EPHA6: variants seen among roughly 807,000 people sequenced by gnomAD.
The protein encoded by EPHA6 is ephrin type-A receptor 6.
In EPHA6, 50 loss-of-function variants were observed where a neutral mutation model predicts 112.0. The ratio of observed to expected loss-of-function variants is 0.45; its 90% CI spans 0.36 to 0.56. The LOEUF (loss-of-function observed/expected upper bound fraction) is 0.56, where lower values mean the gene tolerates loss of function less well. Ranked by LOEUF, EPHA6 falls within the 20% of genes least tolerant of loss-of-function variation. The pLI is 0.00. For missense variants in EPHA6, 1,280 were observed against 1,417.4 expected (o/e 0.90, Z 1.56); for synonymous variants, 529 against 490.7 (o/e 1.08, Z -1.03).
intron 5 of EPHA6, among the ~76,000 whole-genome samples, chr3:97,357,412 G>A (rs898179516): frequency 2.0e-5 from 3 of 152,008 alleles, no homozygotes; most frequent in African/African-American, 7.2e-5. Context: ...ATGTTGACTA[G>A]GCTTGTCTTG....
chr3:97,045,025 TAAATTC>T (rs1427391545), intron 3 of EPHA6, among the ~76,000 whole-genome samples: 2 of 152,100 alleles, frequency 1.3e-5, no homozygotes, highest in Admixed American at 6.6e-5. Context: ...TTTGAATGTT[TAAATTC>T]AAATATGTAG....
At chr3:97,607,414 A>C (rs2093688176) in intron 12 of EPHA6, among the ~76,000 whole-genome samples, 1 of 151,142 alleles carries the variant, frequency 6.6e-6, no homozygotes, top group Non-Finnish European at 1.5e-5. Flanking sequence ...AATGTAAGAA[A>C]ATAATTTTTC....
At chr3:97,037,615 A>G (rs1195116604) in intron 3 of EPHA6, among the ~76,000 whole-genome samples, 1 of 152,074 alleles carries the variant, frequency 6.6e-6, no homozygotes. Context: ...GCAGTGGGAA[A>G]ACACTAAAGG....
intron 5 of EPHA6, among the ~76,000 whole-genome samples, chr3:97,257,108 CTAT>C (rs2079341300): frequency 1.3e-5 from 2 of 151,746 alleles, no homozygotes; most frequent in Non-Finnish European, 2.9e-5. Flanking sequence ...TCAGGGAAAA[CTAT>C]TATTTAGAAT....
intron 2 of EPHA6, among the ~76,000 whole-genome samples, chr3:96,904,795 C>T (rs769639555): frequency 2.0e-5 from 3 of 152,022 alleles, no homozygotes; most frequent in Non-Finnish European, 4.4e-5. Flanking sequence ...GGTAATATTT[C>T]TAAATTTGAT....
At chr3:97,018,504 C>T (rs1419038511) in intron 3 of EPHA6, among the ~76,000 whole-genome samples, 2 of 152,170 alleles carry the variant, frequency 1.3e-5, no homozygotes, top group African/African-American at 2.4e-5. Flanking sequence ...ACGTGGGTCA[C>T]GTGTCCACTG....
intron 10 of EPHA6, among the ~76,000 whole-genome samples, chr3:97,503,327 T>C (rs2092171810): frequency 6.6e-6 from 1 of 152,228 alleles, no homozygotes; most frequent in South Asian, 2.1e-4. Context: ...AATCCAATTT[T>C]ACACAAATTC....
At chr3:97,251,326 C>A (rs572271771) in intron 5 of EPHA6, among the ~76,000 whole-genome samples, 1 of 151,890 alleles carries the variant, frequency 6.6e-6, no homozygotes, top group Non-Finnish European at 1.5e-5. Flanking sequence ...GTCAGGAGAT[C>A]GAGACCGTCC....
intron 12 of EPHA6, among the ~76,000 whole-genome samples, chr3:97,610,212 A>G (rs2107455912): frequency 6.6e-6 from 1 of 151,744 alleles, no homozygotes; most frequent in South Asian, 2.1e-4. Context: ...AGGAACTATT[A>G]CAAATCCTAC....
chr3:97,638,672 T>G (rs1423763558), intron 14 of EPHA6, among the ~76,000 whole-genome samples: 2 of 152,166 alleles, frequency 1.3e-5, no homozygotes, highest in Non-Finnish European at 2.9e-5. Context: ...ATTTGTCCTA[T>G]GGATAGTGTA....
rs1309670953 is a variant in EPHA6, at chr3:97,223,056, C to T, written c.1115-3208C>T. ...AATAGACTTTTCAACAGAGAAGAAG[C>T]CTTAAAGCAGGAGAAAGAGCATGGT... On this transcript the variant is annotated intron_variant, in intron 3 of 17. Coordinates refer to ENST00000389672, the MANE Select transcript of EPHA6 (RefSeq NM_001080448.3). Among the ~76,000 whole-genome samples the T allele has an allele frequency of 1.3e-5, 2 of 152,100 alleles. 1 individual carries two copies. Among genetic ancestry groups the T allele is most frequent in the Admixed American group, 1.3e-4 (2 of 15,266 alleles).
At chr3:97,306,348 C>T (rs1183339575) in intron 5 of EPHA6, among the ~76,000 whole-genome samples, 1 of 146,906 alleles carries the variant, frequency 6.8e-6, no homozygotes, top group Admixed American at 6.9e-5. Context: ...ATTACCTGAG[C>T]ATTCTCCACT....
intron 5 of EPHA6, among the ~76,000 whole-genome samples, chr3:97,400,886 T>C (rs1371444707): frequency 6.6e-6 from 1 of 151,772 alleles, no homozygotes; most frequent in African/African-American, 2.4e-5. Context: ...CTTCCTCCTT[T>C]CCAATTTGGA....
rs544157520 is a variant in EPHA6 at position 96,968,546 on chromosome 3, G to C, written c.451-18784G>C. 1.2e-3 allele frequency among the ~76,000 whole-genome samples: 182 copies of C among 151,626 alleles called. 1 individual carries two copies. The highest frequency in any genetic ancestry group is 4.2e-3 in the African/African-American group (173 of 41,408). ...TGAGAATTAACATTTAATCATTTTT[G>C]TCAAGTACTTAGGTACTTACAATGA... is the stretch of plus-strand genomic sequence containing the variant. On this transcript the variant is annotated intron_variant, in intron 2 of 17. Coordinates refer to ENST00000389672, the MANE Select transcript of EPHA6 (RefSeq NM_001080448.3).
chr3:97,080,174 C>A (rs2046676538), intron 3 of EPHA6, among the ~76,000 whole-genome samples: 1 of 152,014 alleles, frequency 6.6e-6, no homozygotes, highest in Non-Finnish European at 1.5e-5. Flanking sequence ...CAATGAATAT[C>A]TGTATTAGCA....
chr3:96,954,675 G>T (rs4857232), intron 2 of EPHA6, among the ~76,000 whole-genome samples: 38,434 of 145,952 alleles, frequency 0.26, 9,092 homozygotes, highest in African/African-American at 0.61. Context: ...ACCAATGATA[G>T]TTTTATAAGT....
chr3:97,197,573 C>T (rs1178853987), intron 3 of EPHA6, among the ~76,000 whole-genome samples: 1 of 151,704 alleles, frequency 6.6e-6, no homozygotes, highest in Non-Finnish European at 1.5e-5. Flanking sequence ...CTCTCCTTTC[C>T]CCTTTCTTTT....
At chr3:97,391,307 A>T (rs1455626135) in intron 5 of EPHA6, among the ~76,000 whole-genome samples, 2 of 151,980 alleles carry the variant, frequency 1.3e-5, no homozygotes, top group Non-Finnish European at 2.9e-5. Flanking sequence ...AATATAAAAG[A>T]TAGTCAAATG....
intron 6 of EPHA6, among the ~76,000 whole-genome samples, chr3:97,416,718 T>C (rs1298624724): frequency 6.6e-6 from 1 of 152,174 alleles, no homozygotes; most frequent in East Asian, 1.9e-4. Flanking sequence ...TTAGGAATGA[T>C]ATTAAAATTT....
Sources: allele counts gnomAD v4.1 joint callset (sites outside exome capture counted in the v4.1 genomes callset), GRCh38; gene constraint gnomAD v4.1.1; transcripts MANE v1.5; gene names NCBI Gene and HGNC (gene_info 2026-07-23, HGNC 2026-07-21).